DLEC1: variants seen among roughly 807,000 people sequenced by gnomAD.
DLEC1 encodes DLEC1 cilia and flagella associated protein, also known as deleted in lung and esophageal cancer protein 1.
In DLEC1, 146 loss-of-function variants were observed where a neutral mutation model predicts 198.1. That is an observed-to-expected ratio of 0.74 (90% CI 0.64 to 0.85). The LOEUF is 0.85. Ranked by LOEUF, DLEC1 falls within the 40% of genes least tolerant of loss-of-function variation. The pLI is 0.00. For synonymous variants in DLEC1, 897 were observed against 866.8 expected (o/e 1.03, Z -0.61); for missense variants, 2,233 against 2,220.0 (o/e 1.01, Z -0.12).
At chr3:38,051,281 G>A (rs992813017) in intron 2 of DLEC1, among the ~76,000 whole-genome samples, 1 of 152,210 alleles carries the variant, frequency 6.6e-6, no homozygotes, top group South Asian at 2.1e-4. Context: ...CTGTTCGGGC[G>A]CTGGTGACAG....
intron 19 of DLEC1, among the ~76,000 whole-genome samples, chr3:38,105,753 C>T (rs1699537051): frequency 6.6e-6 from 1 of 151,856 alleles, no homozygotes. Context: ...TTGTTTAATC[C>T]CTTTATATTT....
rs1698300850 is a variant in DLEC1 at position 38,084,506 on chromosome 3, A to AGTAGTAATAGTAGTAGTGGTG, written c.1261+267_1261+268insATAGTAGTAGTGGTGGTAGTA. Among the ~76,000 whole-genome samples, 3 of 776 alleles carry AGTAGTAATAGTAGTAGTGGTG rather than the reference A, an allele frequency of 3.9e-3. No individual in the cohort carries two copies. The South Asian group carries it at 0.088, about 23-fold the overall frequency. The allele number at this position is 776 out of a possible 152,430, so 0.5% of individuals were successfully genotyped here. On this transcript the variant is annotated intron_variant, in intron 7 of 36. Coordinates refer to ENST00000308059, the MANE Select transcript of DLEC1 (RefSeq NM_007335.4). The stretch of plus-strand genomic sequence containing the variant: ...TAGTAGTGGTGGTAGTAGTAGTGGT[A>AGTAGTAATAGTAGTAGTGGTG]GTAGTAGTAGTGGTAGTAGTAGTAG...
chr3:38,103,455 C>G (rs9835071), intron 19 of DLEC1: 1 of 152,236 alleles, frequency 6.6e-6, no homozygotes, highest in Non-Finnish European at 1.5e-5. Flanking sequence ...ATCAGTTAAC[C>G]TGATCACATT....
In DLEC1 at chr3:38,039,293, T is replaced by C. The variant is rs1700532288; in HGVS notation, c.68T>C (p.Met23Thr). ...ASRTNECQGTMWAPTSPPAGS... is the reference protein window; with the variant it reads ...ASRTNECQGTTWAPTSPPAGS... ...CGGACCAACGAGTGCCAGGGGACAA[T>C]GTGGGCGCCAACTTCGCCACCAGCC... The change falls in exon 1 of 37, where the codon ATG becomes ACG. Residue 23 changes from methionine to threonine, a missense_variant. Physicochemically the swap from Met to Thr is moderately conservative, Grantham distance 81. Transcript: ENST00000308059. 1.2e-6 allele frequency: 2 copies of C among 1,614,006 alleles called. No homozygotes were observed. Among genetic ancestry groups the C allele is most frequent in the Non-Finnish European group, 1.7e-6 (2 of 1,180,028 alleles).
At chr3:38,063,775 C>G (rs1696826075) in intron 5 of DLEC1, 66 bp from the exon 6 acceptor site, 1 of 1,154,066 alleles carries the variant, frequency 8.7e-7, no homozygotes, top group East Asian at 2.4e-5. Context: ...TAATCAGTCA[C>G]TGCCTACTAT....
chr3:38,094,790 C>A lies in DLEC1; in HGVS notation c.1920-89C>A, dbSNP rs1698922159. 8.8e-6 allele frequency: 13 copies of A among 1,470,632 alleles called. No homozygotes were observed. In the South Asian group the frequency reaches 1.7e-4, roughly 19 times the overall value. The allele number at this position is 1,470,632 out of a possible 1,614,324, so 91.1% of individuals were successfully genotyped here. A position where few individuals can be genotyped will look rare whatever the true frequency, so the allele number is the denominator to read the frequency against. Reference sequence around the variant, plus strand: ...TCCTGTTCCTAGGTCCTTTCCTGCTCCCTCTTGGAGCAGGGCAGGGAGGCA... The same window carrying A: ...TCCTGTTCCTAGGTCCTTTCCTGCTACCTCTTGGAGCAGGGCAGGGAGGCA... On this transcript the variant is annotated intron_variant, in intron 12 of 36. Transcript: ENST00000308059.
intron 6 of DLEC1, among the ~76,000 whole-genome samples, chr3:38,071,629 G>T (rs1559415809): frequency 6.6e-6 from 1 of 152,226 alleles, no homozygotes; most frequent in Admixed American, 6.5e-5. Context: ...CTAGCTGCTT[G>T]TCTAGCCACC....
chr3:38,085,030 G>T (rs1465316925), intron 7 of DLEC1, among the ~76,000 whole-genome samples: 1 of 152,218 alleles, frequency 6.6e-6, no homozygotes, highest in African/African-American at 2.4e-5. Context: ...GGCCAGGCAT[G>T]GCCCCACCTG....
chr3:38,045,474 G>C, intron 1 of DLEC1, 69 bp from the exon 2 acceptor site: 2 of 1,548,936 alleles, frequency 1.3e-6, no homozygotes, highest in Non-Finnish European at 8.7e-7. Flanking sequence ...CTGGGGTAGG[G>C]CTGAGTAAAG....
chr3:38,045,008 T>C (rs1700819032), intron 1 of DLEC1, among the ~76,000 whole-genome samples: 1 of 152,202 alleles, frequency 6.6e-6, no homozygotes, highest in African/African-American at 2.4e-5. Context: ...AAATGCAGCA[T>C]GTTGCTCTGA....
chr3:38,091,582 A>G (rs917819186), intron 10 of DLEC1, among the ~76,000 whole-genome samples: 2 of 152,244 alleles, frequency 1.3e-5, no homozygotes, highest in African/African-American at 4.8e-5. Context: ...TGAAGAGACA[A>G]TCTGTGAAAT....
At position 38,121,770 on chromosome 3, in the gene DLEC1, C is replaced by T. The variant is rs1447653112; in HGVS notation, c.5009C>T (p.Thr1670Ile). Residue 1670 changes from threonine (T) to isoleucine (I), a missense_variant, in exon 35 of 37, where the codon ACT becomes ATT. By Grantham distance (89) the Thr-to-Ile change is moderately conservative (BLOSUM62 -1). Transcript: ENST00000308059. ...MNLSGCRSYW[T>I]MLMGQQEPAK... The stretch of plus-strand genomic sequence containing the variant: ...CTGAGCGGGTGCCGAAGCTACTGGA[C>T]TATGCTGATGGGTATGTCCTACCCT... The T allele has an allele frequency of 1.2e-6, 2 of 1,614,012 alleles. No individual in the cohort carries two copies. The highest frequency in any genetic ancestry group is 1.1e-5 in the South Asian group (1 of 91,088).
intron 2 of DLEC1, among the ~76,000 whole-genome samples, chr3:38,053,674 G>C (rs541150756): frequency 1.3e-5 from 2 of 151,208 alleles, no homozygotes; most frequent in African/African-American, 2.4e-5. Context: ...TCTGCCCAGC[G>C]GCCACCCCGT....
intron 6 of DLEC1, among the ~76,000 whole-genome samples, chr3:38,080,799 GT>G (rs1697938857): frequency 9.5e-6 from 1 of 105,604 alleles, no homozygotes. Context: ...GGGTTCGGGT[GT>G]TCTTTTTTTT....
chr3:38,104,620 C>T (rs1303616490), intron 19 of DLEC1, among the ~76,000 whole-genome samples: 1 of 151,858 alleles, frequency 6.6e-6, no homozygotes, highest in African/African-American at 2.4e-5. Context: ...TCTGTATGAT[C>T]AGTAGTGATG....
At chr3:38,040,680 G>C (rs1194707221) in intron 1 of DLEC1, among the ~76,000 whole-genome samples, 1 of 152,102 alleles carries the variant, frequency 6.6e-6, no homozygotes, top group African/African-American at 2.4e-5. Flanking sequence ...TCATTCACAT[G>C]AGCCAGAATA....
chr3:38,084,476 GGTGGTAGTAGTGGTGGTAGTAGTA>G (rs1559430406), intron 7 of DLEC1, among the ~76,000 whole-genome samples: 3 of 116,480 alleles, frequency 2.6e-5, no homozygotes, highest in Non-Finnish European at 3.7e-5. Context: ...TAGTGGTGGT[GGTGGTAGTAGTGGTGGTAGTAGTA>G]GTGGTAGTAG....
intron 2 of DLEC1, among the ~76,000 whole-genome samples, chr3:38,052,856 A>ACTGC (rs1229076602): frequency 6.6e-6 from 1 of 151,768 alleles, no homozygotes; most frequent in Non-Finnish European, 1.5e-5. Context: ...GCTGGACTGT[A>ACTGC]CTGCCGCCAT....
At chr3:38,076,919 C>T (rs9855774) in intron 6 of DLEC1, among the ~76,000 whole-genome samples, 53,913 of 151,804 alleles carry the variant, frequency 0.36, 10,050 homozygotes, top group East Asian at 0.55. Flanking sequence ...AAGGAAGATT[C>T]TGTGGTAAGG....
Sources: gnomAD v4.1 joint callset for allele counts (sites outside exome capture counted in the v4.1 genomes callset) on GRCh38, gnomAD v4.1.1 for gene constraint, MANE v1.5 for transcripts, NCBI Gene and HGNC (gene_info 2026-07-23, HGNC 2026-07-21) for gene names.